The following DLEC1 variants were observed in gnomAD, a reference collection of about 807,000 sequenced individuals.
The protein encoded by DLEC1 is DLEC1 cilia and flagella associated protein.
A neutral mutation model predicts 198.1 loss-of-function variants in DLEC1; 146 were observed. That is an observed-to-expected ratio of 0.74 (90% CI 0.64 to 0.85). The LOEUF (loss-of-function observed/expected upper bound fraction) is 0.85, where lower values mean the gene tolerates loss of function less well. Among genes scored for constraint, DLEC1 ranks in the 40% least tolerant of loss-of-function variants. The probability of loss-of-function intolerance (pLI) is 0.00; values close to 1 mark genes in which losing one functional copy is unlikely to be tolerated. For synonymous variants in DLEC1, 897 were observed against 866.8 expected (o/e 1.03, Z -0.61); for missense variants, 2,233 against 2,220.0 (o/e 1.01, Z -0.12).
At chr3:38,099,951 C>A (rs540506078) in intron 18 of DLEC1, among the ~76,000 whole-genome samples, 6 of 152,212 alleles carry the variant, frequency 3.9e-5, no homozygotes, top group Non-Finnish European at 7.3e-5. Flanking sequence ...AGGGCTACCC[C>A]CCTAGTTTGG....
Position 38,059,725 on chromosome 3 carries a change from C to T in DLEC1, c.563-17C>T. On this transcript the variant is annotated splice_polypyrimidine_tract_variant and intron_variant, in intron 2 of 36. Coordinates refer to ENST00000308059, the MANE Select transcript of DLEC1 (RefSeq NM_007335.4). Reference sequence around the variant, plus strand: ...TCTGGCTGGAAACACCTTGTTCTCCCCTTCCCTTCTATGAAGTGAAGAGTG... The same window carrying T: ...TCTGGCTGGAAACACCTTGTTCTCCTCTTCCCTTCTATGAAGTGAAGAGTG... The T allele has an allele frequency of 4.4e-6, 7 of 1,594,646 alleles. No individual in the cohort carries two copies. Among genetic ancestry groups the T allele is most frequent in the Non-Finnish European group, 5.2e-6 (6 of 1,164,626 alleles).
At position 38,093,647 on chromosome 3, in the gene DLEC1, G is replaced by A; in HGVS notation, c.1799G>A (p.Gly600Asp). 6.2e-7 allele frequency: 1 copy of A among 1,614,160 alleles called. No homozygotes were observed. The highest frequency in any genetic ancestry group is 8.5e-7 in the Non-Finnish European group (1 of 1,180,028). ...LIALDLIYISGEKSQPDPGEL... is the reference protein window; with the variant it reads ...LIALDLIYISDEKSQPDPGEL... ...GCTTTGGATCTGATCTATATTTCTG[G>A]TGAAAAAAGCCAGCCAGACCCTGGA... Residue 600 changes from glycine to aspartate, a missense_variant, in exon 12 of 37, where the codon GGT becomes GAT. Physicochemically the swap from Gly to Asp is moderately conservative, Grantham distance 94 (BLOSUM62 -1). Coordinates refer to ENST00000308059, the MANE Select transcript of DLEC1 (RefSeq NM_007335.4).
At chr3:38,084,101 G>T in intron 6 of DLEC1, 57 bp from the exon 7 acceptor site, 1 of 1,501,092 alleles carries the variant, frequency 6.7e-7, no homozygotes, top group Non-Finnish European at 9.2e-7. Context: ...CCTGGACATC[G>T]TATCATTTCG....
In DLEC1 at chr3:38,095,080, G is replaced by A. The variant is rs1698941097; in HGVS notation, c.2112+9G>A. 4 of 1,613,760 alleles carry A rather than the reference G, an allele frequency of 2.5e-6. No homozygotes were observed. The highest frequency in any genetic ancestry group is 3.4e-6 in the Non-Finnish European group (4 of 1,179,746). ...GCTTTTCTCCTCATGAGGTTCAGATGGTGTCATCTCAGTAGCCACACATGG... is the reference window on the plus strand; with the variant it reads ...GCTTTTCTCCTCATGAGGTTCAGATAGTGTCATCTCAGTAGCCACACATGG... On this transcript the variant is annotated intron_variant, in intron 13 of 36. Coordinates refer to ENST00000308059, the MANE Select transcript of DLEC1 (RefSeq NM_007335.4).
At chr3:38,054,821 C>G (rs1696269270) in intron 2 of DLEC1, among the ~76,000 whole-genome samples, 2 of 152,164 alleles carry the variant, frequency 1.3e-5, no homozygotes, top group Non-Finnish European at 2.9e-5. Context: ...GGTAAAATTA[C>G]CAAGCACATA....
chr3:38,079,032 G>A (rs1223467346), intron 6 of DLEC1, among the ~76,000 whole-genome samples: 6 of 152,084 alleles, frequency 3.9e-5, no homozygotes, highest in South Asian at 4.1e-4. Context: ...GGCATTGAGC[G>A]GGGTAAGGGT....
intron 34 of DLEC1, 75 bp from the exon 35 acceptor site, chr3:38,121,552 AG>A: frequency 6.5e-7 from 1 of 1,532,408 alleles, no homozygotes; most frequent in Non-Finnish European, 8.7e-7. Context: ...ACTTGGGGTC[AG>A]CAGGGTTCTG....
chr3:38,106,497 T>C (rs1699573288), intron 19 of DLEC1, among the ~76,000 whole-genome samples: 1 of 152,196 alleles, frequency 6.6e-6, no homozygotes, highest in African/African-American at 2.4e-5. Flanking sequence ...AGCTCACCTT[T>C]GTAATCCCAG....
intron 18 of DLEC1, 126 bp from the exon 19 acceptor site, chr3:38,100,160 C>A: frequency 1.6e-6 from 2 of 1,236,548 alleles, no homozygotes; most frequent in Non-Finnish European, 2.2e-6. Flanking sequence ...GTTTCTGGAT[C>A]CCAGATGGCT....
chr3:38,085,335 G>T lies in DLEC1; in HGVS notation c.1323G>T (p.Gln441His), dbSNP rs368510811. ...GAATGACCTGCCAGTACATTGTCCAGTTTTTTCCCGACTGCCTTGGGGATT... is the reference window on the plus strand; with the variant it reads ...GAATGACCTGCCAGTACATTGTCCATTTTTTTCCCGACTGCCTTGGGGATT... ...APGMTCQYIV[Q>H]FFPDCLGDFD... Residue 441 changes from glutamine to histidine, a missense_variant, in exon 8 of 37, where the codon CAG becomes CAT. Transcript: ENST00000308059. 2.3e-4 allele frequency: 367 copies of T among 1,614,012 alleles called. No individual in the cohort carries two copies. Among genetic ancestry groups the T allele is most frequent in the Non-Finnish European group, 2.9e-4 (342 of 1,180,024 alleles).
At position 38,122,825 on chromosome 3, in the gene DLEC1, T is replaced by C; in HGVS notation, c.*413T>C. ...TGGGTGACCCAGGCTGCTTTTATCT[T>C]GCACAGCTAAAGAGGGTCTGATGGG... On this transcript the variant is annotated 3_prime_UTR_variant, in exon 37 of 37. Coordinates refer to ENST00000308059, the MANE Select transcript of DLEC1 (RefSeq NM_007335.4). The C allele has an allele frequency of 1.2e-6, 1 of 858,074 alleles. No homozygotes were observed. The highest frequency in any genetic ancestry group is 3.0e-5 in the Admixed American group (1 of 33,306). The allele number at this position is 858,074 out of a possible 1,614,324, so 53.2% of individuals were successfully genotyped here.
At position 38,112,207 on chromosome 3, in the gene DLEC1, C is replaced by G; in HGVS notation, c.3515-3C>G. 1.2e-6 allele frequency: 2 copies of G among 1,614,120 alleles called. No individual in the cohort carries two copies. The highest frequency in any genetic ancestry group is 2.2e-5 in the South Asian group (2 of 91,078). On this transcript the variant is annotated splice_region_variant and splice_polypyrimidine_tract_variant and intron_variant, in intron 24 of 36. Transcript: ENST00000308059. The surrounding 1 kb of genome is among the most constrained non-coding windows in gnomAD (Gnocchi z 4.8). ...ATCCCCCACAGTCGCGGTTCTTTCC[C>G]AGATTTTATGGAGAGCATGCTATCC...
chr3:38,072,760 G>A (rs1260727351), intron 6 of DLEC1, among the ~76,000 whole-genome samples: 5 of 152,192 alleles, frequency 3.3e-5, no homozygotes, highest in African/African-American at 7.2e-5. Context: ...AGTCGGGCAC[G>A]ATTGGCAGGG....
Position 38,122,965 on chromosome 3 carries a change from G to T in DLEC1, c.*553G>T. ...CACCACCAGTGCTGAGTTTTCCCATGTGGTTTTGCTTTTGTGGTGTTACTG... is the reference window on the plus strand; with the variant it reads ...CACCACCAGTGCTGAGTTTTCCCATTTGGTTTTGCTTTTGTGGTGTTACTG... On this transcript the variant is annotated 3_prime_UTR_variant, in exon 37 of 37. Transcript: ENST00000308059. 1 of 1,417,770 alleles carries T rather than the reference G, an allele frequency of 7.1e-7. No individual in the cohort carries two copies. The highest frequency in any genetic ancestry group is 9.9e-7 in the Non-Finnish European group (1 of 1,008,518). The allele number at this position is 1,417,770 out of a possible 1,614,324, so 87.8% of individuals were successfully genotyped here. A position where few individuals can be genotyped will look rare whatever the true frequency, so the allele number is the denominator to read the frequency against.
rs1378290114 is a variant in DLEC1 at position 38,118,041 on chromosome 3, G to A, written c.4704+17G>A. 5 of 1,575,062 alleles carry A rather than the reference G, an allele frequency of 3.2e-6. No individual in the cohort carries two copies. Among genetic ancestry groups the A allele is most frequent in the Non-Finnish European group, 8.6e-7 (1 of 1,160,982 alleles). ...AACATGCTGGTCAGTGGGGGAGTCTGCAGCCCTTGCCTCGATGGCACACCC... is the reference window on the plus strand; with the variant it reads ...AACATGCTGGTCAGTGGGGGAGTCTACAGCCCTTGCCTCGATGGCACACCC... On this transcript the variant is annotated intron_variant, in intron 33 of 36. Coordinates refer to ENST00000308059, the MANE Select transcript of DLEC1 (RefSeq NM_007335.4).
chr3:38,049,661 G>T (rs1328490107), intron 2 of DLEC1, among the ~76,000 whole-genome samples: 1 of 152,200 alleles, frequency 6.6e-6, no homozygotes. Context: ...CGGGGTACAT[G>T]CCCAGGCCTG....
rs1365555240 is a variant in DLEC1 at position 38,093,608 on chromosome 3, T to G, written c.1760T>G (p.Ile587Ser). 1 of 1,614,046 alleles carries G rather than the reference T, an allele frequency of 6.2e-7. No individual in the cohort carries two copies. Among genetic ancestry groups the G allele is most frequent in the Non-Finnish European group, 8.5e-7 (1 of 1,180,038 alleles). ...CQIKELVTIG[I>S]GQLIALDLIY... Reference sequence around the variant, plus strand: ...TTCACTTACTCTACTTTGGCAGGAATTGGGCAGCTGATTGCTTTGGATCTG... The same window carrying G: ...TTCACTTACTCTACTTTGGCAGGAAGTGGGCAGCTGATTGCTTTGGATCTG... The change falls in exon 12 of 37, where the codon ATT (isoleucine) becomes AGT (serine). Residue 587 changes from isoleucine (I) to serine (S), a missense_variant. Transcript: ENST00000308059.
intron 33 of DLEC1, among the ~76,000 whole-genome samples, 196 bp from the exon 34 acceptor site, chr3:38,120,252 T>A (rs1159099991): frequency 6.6e-6 from 1 of 152,188 alleles, no homozygotes; most frequent in Non-Finnish European, 1.5e-5. Context: ...ACATGACTTG[T>A]CCCTGACACT....
intron 1 of DLEC1, among the ~76,000 whole-genome samples, chr3:38,041,847 CAAAAAAAA>C (rs751455053): frequency 8.4e-5 from 6 of 71,682 alleles, no homozygotes; most frequent in Admixed American, 1.6e-4. Context: ...GACTCCGTTT[CAAAAAAAA>C]AAAAAAAAAA....
Sources: gnomAD v4.1 joint callset for allele counts (sites outside exome capture counted in the v4.1 genomes callset) on GRCh38, gnomAD v4.1.1 for gene constraint, Gnocchi (gnomAD v3.1) non-coding constraint, MANE v1.5 for transcripts, NCBI Gene and HGNC (gene_info 2026-07-23, HGNC 2026-07-21) for gene names.